Variants in MAP1LC3C observed in about 807,000 individuals in gnomAD.
MAP1LC3C encodes the protein microtubule-associated protein 1 light chain 3 gamma.
A neutral mutation model predicts 10.4 loss-of-function variants in MAP1LC3C; 12 were observed. The observed-to-expected ratio is 1.15, with a 90% CI of 0.74 to 1.86. The LOEUF is 1.86. Among genes scored for constraint, MAP1LC3C ranks in the 40% most tolerant of loss-of-function variants. The pLI, the probability that MAP1LC3C is intolerant of heterozygous loss-of-function variation, is 0.00. For missense variants in MAP1LC3C, 177 were observed against 185.7 expected, an observed-to-expected ratio of 0.95 and a Z score of 0.27; for synonymous variants, 70 against 69.0, an observed-to-expected ratio of 1.01 and a Z score of -0.07.
chr1:241,999,162 T>C (rs1303905717), upstream of MAP1LC3C: 1 of 1,365,458 alleles, frequency 7.3e-7, no homozygotes, highest in South Asian at 1.7e-5. Flanking sequence ...CTCCTCTCCC[T>C]CCCCTCTCCC....
chr1:241,999,748 G>C (rs1046679276), upstream of MAP1LC3C, among the ~76,000 whole-genome samples: 4 of 152,176 alleles, frequency 2.6e-5, no homozygotes, highest in African/African-American at 9.7e-5. Context: ...TGCGGAGGTT[G>C]TAGTGAGCTC....
chr1:241,998,018 A>ATTATTTTTTTTT (rs1558179174), intron 3 of MAP1LC3C, among the ~76,000 whole-genome samples: 2 of 89,390 alleles, frequency 2.2e-5, no homozygotes, highest in East Asian at 4.0e-4. Context: ...AAATAGAGTA[A>ATTATTTTTTTTT]TTCTTTTTTT....
chr1:241,996,038 G>C lies in MAP1LC3C; in HGVS notation c.*125C>G, dbSNP rs1158051709. On this transcript the variant is annotated 3_prime_UTR_variant, in exon 4 of 4. Coordinates refer to ENST00000357246, the MANE Select transcript of MAP1LC3C (RefSeq NM_001004343.3). ...AAGAGCCACCACTCTGCTGCCACTG[G>C]TTGGAGCTGATCACCCCAGGCATCC... The C allele has an allele frequency of 1.3e-6, 1 of 773,682 alleles. No individual in the cohort carries two copies. Among genetic ancestry groups the C allele is most frequent in the Non-Finnish European group, 2.0e-6 (1 of 499,410 alleles). 47.9% of individuals were successfully genotyped at this position (773,682 alleles called of 1,614,324 possible).
upstream of MAP1LC3C, among the ~76,000 whole-genome samples, chr1:241,999,644 A>C (rs551258457): frequency 6.6e-6 from 1 of 152,252 alleles, no homozygotes; most frequent in East Asian, 1.9e-4. Context: ...CCCCATCTCT[A>C]CTAAAAATAC....
At chr1:241,996,990 CTT>C (rs1270300700) in intron 3 of MAP1LC3C, among the ~76,000 whole-genome samples, 1 of 145,818 alleles carries the variant, frequency 6.9e-6, no homozygotes. Flanking sequence ...TGATATTTCA[CTT>C]TTTTTTTTTG....
rs182542319 is a variant in MAP1LC3C, at chr1:241,996,435, G to A, written c.222-50C>T. ...GGGTATGGCCTGCGAGACAGCCCAG[G>A]GATCTGCAGCCTCATGACACTCAAG... On this transcript the variant is annotated intron_variant, in intron 3 of 3. Coordinates refer to ENST00000357246, the MANE Select transcript of MAP1LC3C (RefSeq NM_001004343.3). 209 of 1,466,466 alleles carry A rather than the reference G, an allele frequency of 1.4e-4. 1 individual carries two copies. In the African/African-American group the frequency reaches 2.7e-3, roughly 19 times the overall value. The allele number at this position is 1,466,466 out of a possible 1,614,324, so 90.8% of individuals were successfully genotyped here. A position where few individuals can be genotyped will look rare whatever the true frequency, so the allele number is the denominator to read the frequency against.
upstream of MAP1LC3C, among the ~76,000 whole-genome samples, chr1:241,999,459 A>G (rs902559073): frequency 6.6e-6 from 1 of 152,070 alleles, no homozygotes; most frequent in Non-Finnish European, 1.5e-5. Context: ...GCCCTTTATC[A>G]CAGAAGGAAA....
At chr1:241,998,072 G>A (rs2148600400) in intron 3 of MAP1LC3C, among the ~76,000 whole-genome samples, 1 of 132,708 alleles carries the variant, frequency 7.5e-6, no homozygotes, top group Non-Finnish European at 1.6e-5. Flanking sequence ...TGTTGCCCAG[G>A]AGTGCAGTGG....
At chr1:242,000,194 A>C (rs757999890), upstream of MAP1LC3C, among the ~76,000 whole-genome samples, 63 of 152,222 alleles carry the variant, frequency 4.1e-4, no homozygotes, top group Non-Finnish European at 6.8e-4. Context: ...GTCCCACAAG[A>C]CTGTCCCCCA....
upstream of MAP1LC3C, among the ~76,000 whole-genome samples, chr1:242,000,489 A>G (rs1665177090): frequency 6.6e-6 from 1 of 152,158 alleles, no homozygotes; most frequent in Non-Finnish European, 1.5e-5. Flanking sequence ...GGCCTCCCAA[A>G]GAGCTGGGAT....
chr1:241,998,580 G>T lies in MAP1LC3C; in HGVS notation c.155C>A (p.Pro52Gln), dbSNP rs576105560. The change falls in exon 3 of 4, where the codon CCG (proline) becomes CAG (glutamine). Residue 52 changes from proline to glutamine, a missense_variant. Pro to Gln is a moderately conservative substitution (Grantham distance 76, BLOSUM62 -1). Coordinates refer to ENST00000357246, the MANE Select transcript of MAP1LC3C (RefSeq NM_001004343.3). The stretch of plus-strand genomic sequence containing the variant: ...GACCAGGAACTTGGTTTTGTCCAGC[G>T]GGGGCAGGAACGTCTCCCTGGGGTA... ...ERYPRETFLPPLDKTKFLVPQ... is the reference protein window; with the variant it reads ...ERYPRETFLPQLDKTKFLVPQ... 3 of 1,612,970 alleles carry T rather than the reference G, an allele frequency of 1.9e-6. No homozygotes were observed. The highest frequency in any genetic ancestry group is 3.3e-5 in the Admixed American group (2 of 59,768).
upstream of MAP1LC3C, among the ~76,000 whole-genome samples, chr1:241,999,443 G>C (rs1665153677): frequency 6.6e-6 from 1 of 152,018 alleles, no homozygotes; most frequent in Admixed American, 6.6e-5. Flanking sequence ...TCTCACAATG[G>C]TCCATGCCCT....
At chr1:242,000,329 C>T (rs1220860254), upstream of MAP1LC3C, among the ~76,000 whole-genome samples, 1 of 152,172 alleles carries the variant, frequency 6.6e-6, no homozygotes, top group Non-Finnish European at 1.5e-5. Flanking sequence ...CAATCTCTGC[C>T]TCCTGAGTTC....
At chr1:241,998,708 G>C (rs929537032) in intron 2 of MAP1LC3C, 68 bp downstream of exon 2, 1 of 1,610,140 alleles carries the variant, frequency 6.2e-7, no homozygotes, top group Admixed American at 1.7e-5. Flanking sequence ...GGCTGCTCTT[G>C]GTTTTTCAGA....
chr1:241,995,934 A>T lies in MAP1LC3C; in HGVS notation c.*229T>A. The T allele has an allele frequency of 2.5e-6, 1 of 404,472 alleles. No homozygotes were observed. The highest frequency in any genetic ancestry group is 3.6e-5 in the East Asian group (1 of 27,906). The allele number at this position is 404,472 out of a possible 1,614,324, so 25.1% of individuals were successfully genotyped here. On this transcript the variant is annotated 3_prime_UTR_variant, in exon 4 of 4. Transcript: ENST00000357246. ...ACCCTGTTTCAAAAAAAAAAAAATG[A>T]TAATTATATAACTTTCAAGAGCAGC...
At chr1:242,000,969 T>C (rs1410616690), upstream of MAP1LC3C, among the ~76,000 whole-genome samples, 1 of 152,082 alleles carries the variant, frequency 6.6e-6, no homozygotes, top group African/African-American at 2.4e-5. Flanking sequence ...GTCAGTCAAC[T>C]GATGAACTAA....
At chr1:242,000,771 G>A (rs1665181743), upstream of MAP1LC3C, among the ~76,000 whole-genome samples, 1 of 152,126 alleles carries the variant, frequency 6.6e-6, no homozygotes, top group Non-Finnish European at 1.5e-5. Context: ...GGCCTTTTGG[G>A]TTTTTACGGA....
In MAP1LC3C at chr1:241,999,076, A is replaced by G. The variant is rs532942501; in HGVS notation, c.-68T>C. 1.4e-5 allele frequency: 21 copies of G among 1,540,510 alleles called. No individual in the cohort carries two copies. In the African/African-American group the frequency reaches 2.9e-4, roughly 21 times the overall value. The stretch of plus-strand genomic sequence containing the variant: ...TGTCCCGCAACCGGGAACCTAACTC[A>G]TTCCTCCAGCTGCTTCCAAACTGCC... On this transcript the variant is annotated 5_prime_UTR_variant, in exon 1 of 4. It removes an upstream start codon present in the reference 5' UTR. Transcript: ENST00000357246.
chr1:241,997,785 C>T (rs1460342694), intron 3 of MAP1LC3C, among the ~76,000 whole-genome samples: 6 of 151,992 alleles, frequency 3.9e-5, no homozygotes, highest in Non-Finnish European at 1.5e-5. Flanking sequence ...GAGCAGGGAA[C>T]GTTTCCTTTG....
Sources: gnomAD v4.1 joint callset for allele counts (sites outside exome capture counted in the v4.1 genomes callset) on GRCh38, gnomAD v4.1.1 for gene constraint, MANE v1.5 for transcripts, NCBI Gene and HGNC (gene_info 2026-07-23, HGNC 2026-07-21) for gene names.